Variants in SGCD observed in about 807,000 individuals in gnomAD.
SGCD encodes the protein sarcoglycan delta, also known as delta-sarcoglycan.
A neutral mutation model predicts 36.6 loss-of-function variants in SGCD; 18 were observed. That is an observed-to-expected ratio of 0.49 (90% CI 0.34 to 0.73). The LOEUF is 0.73. Ranked by LOEUF, SGCD falls within the 30% of genes least tolerant of loss-of-function variation. The pLI is 0.01. For missense variants in SGCD, 387 were observed against 346.7 expected, an observed-to-expected ratio of 1.12 and a Z score of -0.92; for synonymous variants, 133 against 130.6, an observed-to-expected ratio of 1.02 and a Z score of -0.12.
chr5:156,008,998 A>G (rs1758806913), intron 1 of SGCD, among the ~76,000 whole-genome samples: 1 of 152,178 alleles, frequency 6.6e-6, no homozygotes, highest in South Asian at 2.1e-4. Flanking sequence ...GTTAATAAGA[A>G]AGTTGGAATG....
chr5:155,908,371 A>G (rs1177585706), intron 1 of SGCD, among the ~76,000 whole-genome samples: 3 of 152,120 alleles, frequency 2.0e-5, no homozygotes, highest in Admixed American at 6.6e-5. Context: ...CCAGTTCTTC[A>G]TATGATGTTT....
At chr5:156,280,963 A>T (rs1374541811) in intron 3 of SGCD, among the ~76,000 whole-genome samples, 1 of 152,206 alleles carries the variant, frequency 6.6e-6, no homozygotes, top group East Asian at 1.9e-4. Flanking sequence ...GGAATTAAAG[A>T]CACAGACTTT....
chr5:155,732,229 T>C, the SGCD span, among the ~76,000 whole-genome samples: 3 of 152,208 alleles, frequency 2.0e-5, no homozygotes. Context: ...GGCACTGTTA[T>C]TATCATCTGC....
chr5:156,300,020 G>A (rs1454459976), intron 3 of SGCD, among the ~76,000 whole-genome samples: 2 of 151,992 alleles, frequency 1.3e-5, no homozygotes, highest in South Asian at 4.2e-4. Context: ...TGATCTCGGA[G>A]GAAAGGCTTT....
intron 4 of SGCD, among the ~76,000 whole-genome samples, chr5:156,526,486 TC>T (rs1231931141): frequency 1.3e-5 from 2 of 152,300 alleles, no homozygotes; most frequent in African/African-American, 4.8e-5. Flanking sequence ...AACACGAGCA[TC>T]TTGCTGTCTT....
At position 156,742,027 on chromosome 5, in the gene SGCD, C is replaced by A. The variant is rs574882082; in HGVS notation, c.576-15554C>A. ...AGTAGCTGGGACAACAGGCACCCACCACCACGCCTGGCTAATTTTTTGTAT... is the reference window on the plus strand; with the variant it reads ...AGTAGCTGGGACAACAGGCACCCACAACCACGCCTGGCTAATTTTTTGTAT... On this transcript the variant is annotated intron_variant, in intron 7 of 8. Transcript: ENST00000337851. Among the ~76,000 whole-genome samples, 8 of 152,254 alleles carry A rather than the reference C, an allele frequency of 5.3e-5. No homozygotes were observed. The East Asian group carries it at 1.5e-3, about 29-fold the overall frequency.
chr5:156,046,864 C>A (rs1255913422), intron 1 of SGCD, among the ~76,000 whole-genome samples: 4 of 152,122 alleles, frequency 2.6e-5, no homozygotes, highest in African/African-American at 7.2e-5. Flanking sequence ...GCAAGGAAGG[C>A]ATGTCTAAAG....
chr5:156,101,931 TGTGTGTGTGTGAGA>T (rs1581100069), intron 1 of SGCD, among the ~76,000 whole-genome samples: 1 of 150,170 alleles, frequency 6.7e-6, no homozygotes, highest in East Asian at 1.9e-4. Context: ...TGTGTGTGTG[TGTGTGTGTGTGAGA>T]GAGAGAGAGA....
intron 1 of SGCD, among the ~76,000 whole-genome samples, chr5:155,882,262 A>G (rs759091761): frequency 1.3e-5 from 2 of 151,912 alleles, no homozygotes; most frequent in Non-Finnish European, 2.9e-5. Context: ...AACTTTTTAT[A>G]GAGATGGAGT....
intron 7 of SGCD, among the ~76,000 whole-genome samples, chr5:156,649,926 G>A (rs936131676): frequency 5.9e-5 from 9 of 151,996 alleles, no homozygotes; most frequent in Non-Finnish European, 8.8e-5. Context: ...ATGGAACAAA[G>A]CTTTTCATTA....
intron 6 of SGCD, among the ~76,000 whole-genome samples, chr5:156,626,622 A>G (rs1046382800): frequency 6.6e-6 from 1 of 152,188 alleles, no homozygotes; most frequent in African/African-American, 2.4e-5. Context: ...TGCCTTTCAT[A>G]TAGGATGGAT....
chr5:156,747,965 A>C (rs1453281351), intron 7 of SGCD, among the ~76,000 whole-genome samples: 1 of 152,224 alleles, frequency 6.6e-6, no homozygotes, highest in African/African-American at 2.4e-5. Flanking sequence ...TCTACAAAAT[A>C]GCCACAAACT....
the SGCD span, among the ~76,000 whole-genome samples, chr5:155,861,596 T>C: frequency 2.0e-5 from 3 of 152,186 alleles, no homozygotes; most frequent in Non-Finnish European, 4.4e-5. Flanking sequence ...CATGCGCCTG[T>C]AGTCCCAGCT....
chr5:156,596,158 C>G (rs1296659866), intron 6 of SGCD, among the ~76,000 whole-genome samples: 1 of 152,174 alleles, frequency 6.6e-6, no homozygotes, highest in Non-Finnish European at 1.5e-5. Context: ...CAAAATAGTG[C>G]TCAGTCAACA....
At chr5:156,432,041 C>T (rs529963805) in intron 3 of SGCD, among the ~76,000 whole-genome samples, 1 of 152,294 alleles carries the variant, frequency 6.6e-6, no homozygotes, top group East Asian at 1.9e-4. Context: ...TTCTGCTTTT[C>T]TGGGTCTAGC....
At chr5:155,883,793 C>CAAAAAAAAAAAAATAAAAAA (rs1755940296) in intron 1 of SGCD, among the ~76,000 whole-genome samples, 1 of 83,524 alleles carries the variant, frequency 1.2e-5, no homozygotes, top group African/African-American at 4.9e-5. Context: ...CTTCAATTTG[C>CAAAAAAAAAAAAATAAAAAA]AAAAAAAAAA....
chr5:156,425,746 T>C (rs1773645490), intron 3 of SGCD, among the ~76,000 whole-genome samples: 1 of 152,092 alleles, frequency 6.6e-6, no homozygotes, highest in Non-Finnish European at 1.5e-5. Context: ...TAAAGTCCTT[T>C]ATATCATTCT....
intron 3 of SGCD, among the ~76,000 whole-genome samples, chr5:156,283,157 T>A (rs1036455546): frequency 2.6e-5 from 4 of 152,256 alleles, no homozygotes; most frequent in Middle Eastern, 3.4e-3. Context: ...AAATCACAGA[T>A]GGTGGTTGTA....
rs550928058 is a variant in SGCD, at chr5:156,247,524, G to C, written c.-43-82010G>C. Among the ~76,000 whole-genome samples the C allele has an allele frequency of 1.2e-4, 18 of 152,268 alleles. No individual in the cohort carries two copies. In the East Asian group the frequency reaches 2.9e-3, roughly 24 times the overall value. On this transcript the variant is annotated intron_variant, in intron 3 of 9. Coordinates refer to the SGCD transcript ENST00000517913. ...CTGAGAAAGAGACAGTAGTGGCTTC[G>C]ACCAGGTAAATTTAGTGATGCTAGA...
Sources: gnomAD v4.1 joint callset for allele counts (sites outside exome capture counted in the v4.1 genomes callset) on GRCh38, gnomAD v4.1.1 for gene constraint, MANE v1.5 for transcripts, NCBI Gene and HGNC (gene_info 2026-07-23, HGNC 2026-07-21) for gene names.